The following NEXMIF variants were observed in gnomAD, a reference collection of about 807,000 sequenced individuals.
The protein encoded by NEXMIF is neurite extension and migration factor, also known as XLMR protein related to neurite extension.
NEXMIF carries 8 observed loss-of-function variants against 62.1 expected under a neutral mutation model. That is an observed-to-expected ratio of 0.13 (90% CI 0.08 to 0.23). The LOEUF (loss-of-function observed/expected upper bound fraction) is 0.23, where lower values mean the gene tolerates loss of function less well. NEXMIF is among the 10% of genes least tolerant of loss of function. The pLI, the probability that NEXMIF is intolerant of heterozygous loss-of-function variation, is 1.00. For missense variants in NEXMIF, 976 were observed against 1,113.3 expected (o/e 0.88, Z 1.75); for synonymous variants, 404 against 416.6 (o/e 0.97, Z 0.37).
intron 1 of NEXMIF, among the ~76,000 whole-genome samples, chrX:74,892,992 G>A (rs767997830): frequency 1.3e-4 from 15 of 112,209 alleles, no homozygotes; most frequent in Non-Finnish European, 2.4e-4. Flanking sequence ...AGGATGGGGA[G>A]CTAGACAGTA....
At chrX:74,806,496 T>C (rs1194550812) in intron 1 of NEXMIF, among the ~76,000 whole-genome samples, 1 of 111,853 alleles carries the variant, frequency 8.9e-6, no homozygotes, top group African/African-American at 3.2e-5. Context: ...CAATATTGGT[T>C]CCTTAATTGT....
intron 1 of NEXMIF, among the ~76,000 whole-genome samples, chrX:74,869,654 A>T (rs775505430): frequency 4.4e-5 from 5 of 112,509 alleles, no homozygotes; most frequent in Non-Finnish European, 7.5e-5. Flanking sequence ...TGCAGAAATC[A>T]GTCATATTTT....
intron 1 of NEXMIF, among the ~76,000 whole-genome samples, chrX:74,791,956 G>T (rs1333047044): frequency 3.6e-5 from 4 of 110,730 alleles, no homozygotes; most frequent in Admixed American, 9.7e-5. Flanking sequence ...TTGAAGGGTT[G>T]TTTGTGTCTC....
intron 1 of NEXMIF, among the ~76,000 whole-genome samples, chrX:74,792,332 C>G (rs1468326837): frequency 9.4e-6 from 1 of 106,616 alleles, no homozygotes; most frequent in Non-Finnish European, 1.9e-5. Flanking sequence ...GCACTGTGGT[C>G]TGAGAGATAG....
chrX:74,841,594 C>T (rs751035459), intron 1 of NEXMIF, among the ~76,000 whole-genome samples: 20 of 111,607 alleles, frequency 1.8e-4, no homozygotes, highest in Admixed American at 7.6e-4. Context: ...TTCCCCATTC[C>T]GCATGTTGTT....
intron 1 of NEXMIF, among the ~76,000 whole-genome samples, chrX:74,780,956 A>T (rs1225334365): frequency 9.0e-6 from 1 of 111,606 alleles, no homozygotes; most frequent in East Asian, 2.8e-4. Context: ...TGTGATAGGT[A>T]CTGTCAGATG....
intron 1 of NEXMIF, among the ~76,000 whole-genome samples, chrX:74,778,425 C>T (rs144053180): frequency 0.019 from 2,051 of 110,591 alleles, 47 homozygotes; most frequent in African/African-American, 0.064. Flanking sequence ...CCCTTCCTCC[C>T]TTCCTTCCTT....
At chrX:74,895,637 A>T (rs1281566018) in intron 1 of NEXMIF, among the ~76,000 whole-genome samples, 1 of 111,457 alleles carries the variant, frequency 9.0e-6, no homozygotes, top group Non-Finnish European at 1.9e-5. Context: ...CAGAATAAAA[A>T]ATCCAGAAAC....
intron 1 of NEXMIF, among the ~76,000 whole-genome samples, chrX:74,888,597 C>T (rs776387769): frequency 1.8e-5 from 2 of 109,946 alleles, no homozygotes; most frequent in Admixed American, 9.7e-5. Context: ...ATGTAGATGA[C>T]GAGTTGATGG....
chrX:74,908,274 A>G (rs772380330), intron 1 of NEXMIF, among the ~76,000 whole-genome samples: 4 of 112,155 alleles, frequency 3.6e-5, no homozygotes, highest in Non-Finnish European at 7.5e-5. Flanking sequence ...CTTGTCTAGT[A>G]TATGGCCTGG....
intron 3 of NEXMIF, chrX:74,739,842 G>A (rs1170754518): frequency 1.0e-5 from 4 of 381,068 alleles, no homozygotes; most frequent in Non-Finnish European, 1.8e-5. Context: ...GTGATGAATA[G>A]CAGAAGAAGA....
rs1330836607 is a variant in NEXMIF at position 74,925,029 on chromosome X, C to G, written c.-194G>C. 1 of 118,869 alleles carries G rather than the reference C, an allele frequency of 8.4e-6. No individual in the cohort carries two copies. The highest frequency in any genetic ancestry group is 1.7e-5 in the Non-Finnish European group (1 of 57,265). The allele number at this position is 118,869 out of a possible 1,213,427, so 9.8% of individuals were successfully genotyped here. A position where few individuals can be genotyped will look rare whatever the true frequency, so the allele number is the denominator to read the frequency against. ...CCGCCACCGCCGCTGCTACTGCTGC[C>G]GCCGCCGCCGCCGCCTCTGCCTCAG... On this transcript the variant is annotated 5_prime_UTR_variant, in exon 1 of 4. Coordinates refer to ENST00000055682, the MANE Select transcript of NEXMIF (RefSeq NM_001008537.3).
intron 1 of NEXMIF, among the ~76,000 whole-genome samples, chrX:74,921,467 G>A (rs1227869146): frequency 8.9e-6 from 1 of 112,352 alleles, no homozygotes; most frequent in Non-Finnish European, 1.9e-5. Flanking sequence ...GAGAAAAGGT[G>A]TGAACTTAAA....
chrX:74,802,721 C>A (rs896656275), intron 1 of NEXMIF, among the ~76,000 whole-genome samples: 4 of 110,537 alleles, frequency 3.6e-5, no homozygotes, highest in African/African-American at 1.3e-4. Flanking sequence ...AAATAAGGCA[C>A]CGGGGACCAA....
intron 1 of NEXMIF, among the ~76,000 whole-genome samples, chrX:74,881,861 C>T (rs1034580255): frequency 2.7e-5 from 3 of 111,676 alleles, no homozygotes; most frequent in Admixed American, 9.5e-5. Flanking sequence ...TGGGTTTTCA[C>T]GACTAGAAGT....
At chrX:74,911,997 A>G (rs1280324454) in intron 1 of NEXMIF, among the ~76,000 whole-genome samples, 1 of 112,148 alleles carries the variant, frequency 8.9e-6, no homozygotes, top group African/African-American at 3.2e-5. Context: ...AATATAACGA[A>G]CTGCCCCAAG....
At chrX:74,796,811 G>A (rs1312044478) in intron 1 of NEXMIF, among the ~76,000 whole-genome samples, 3 of 111,857 alleles carry the variant, frequency 2.7e-5, no homozygotes, top group Middle Eastern at 4.6e-3. Context: ...CGTCCTAACA[G>A]AAGAATTCTA....
At chrX:74,777,466 G>T (rs2080232006) in intron 1 of NEXMIF, among the ~76,000 whole-genome samples, 1 of 111,323 alleles carries the variant, frequency 9.0e-6, no homozygotes, top group Admixed American at 9.6e-5. Context: ...TTCTCTTCTA[G>T]ATATTTAAAA....
intron 1 of NEXMIF, among the ~76,000 whole-genome samples, chrX:74,874,135 T>G (rs1257052612): frequency 1.9e-4 from 21 of 108,541 alleles, no homozygotes; most frequent in Admixed American, 6.1e-4. Flanking sequence ...GGTCTAACGT[T>G]TAAGTCTTTA....
Sources: gnomAD v4.1 joint callset for allele counts (sites outside exome capture counted in the v4.1 genomes callset) on GRCh38, gnomAD v4.1.1 for gene constraint, MANE v1.5 for transcripts, NCBI Gene and HGNC (gene_info 2026-07-23, HGNC 2026-07-21) for gene names.